TECTA: variants seen among roughly 807,000 people sequenced by gnomAD.
TECTA encodes alpha-tectorin.
A neutral mutation model predicts 216.8 loss-of-function variants in TECTA; 128 were observed. The observed-to-expected ratio is 0.59, with a 90% CI of 0.51 to 0.68. TECTA has a LOEUF of 0.68. Ranked by LOEUF, TECTA falls within the 30% of genes least tolerant of loss-of-function variation. The pLI is 0.00. For synonymous variants in TECTA, 1,089 were observed against 1,117.1 expected (o/e 0.97, Z 0.50); for missense variants, 2,551 against 2,786.2 (o/e 0.92, Z 1.90).
chr11:121,164,257 A>C (rs889105346), intron 16 of TECTA, among the ~76,000 whole-genome samples: 1 of 152,168 alleles, frequency 6.6e-6, no homozygotes, highest in African/African-American at 2.4e-5. Context: ...AGCCACTTTG[A>C]TGTTCAGTAG....
chr11:121,123,732 C>T (rs768251948), intron 7 of TECTA, among the ~76,000 whole-genome samples: 6 of 152,336 alleles, frequency 3.9e-5, no homozygotes, highest in Admixed American at 1.3e-4. Context: ...TCAGATCGTG[C>T]GGACTTTTTG....
chr11:121,155,987 G>A (rs1452493372), intron 13 of TECTA, among the ~76,000 whole-genome samples: 5 of 152,182 alleles, frequency 3.3e-5, no homozygotes, highest in Non-Finnish European at 5.9e-5. Flanking sequence ...TTGAGGATAC[G>A]CTATGTTGTA....
In TECTA at chr11:121,168,289, T is replaced by C. The variant is rs948836809; in HGVS notation, c.5750+72T>C. On this transcript the variant is annotated intron_variant, in intron 19 of 23. Coordinates refer to ENST00000392793, the MANE Select transcript of TECTA (RefSeq NM_005422.4). ...CAGTTAAGGTTAGCATAATCAAAAT[T>C]GCTAGCGTTTGTCTTTGATGCCCTA... 13 of 1,594,930 alleles carry C rather than the reference T, an allele frequency of 8.2e-6. No individual in the cohort carries two copies. The Admixed American group carries it at 2.2e-4, about 27-fold the overall frequency.
At chr11:121,185,355 T>A (rs1947273118) in intron 20 of TECTA, among the ~76,000 whole-genome samples, 1 of 140,846 alleles carries the variant, frequency 7.1e-6, no homozygotes, top group African/African-American at 2.6e-5. Flanking sequence ...GTTCAATGCT[T>A]AATGAATGAG....
intron 12 of TECTA, 82 bp from the exon 13 acceptor site, chr11:121,152,799 G>A: frequency 6.9e-7 from 1 of 1,454,534 alleles, no homozygotes; most frequent in East Asian, 2.3e-5. Flanking sequence ...TCATCTCCCT[G>A]AGTAGGTGAG....
chr11:121,113,210 G>A lies in TECTA; in HGVS notation c.624+1G>A. 1 of 1,613,978 alleles carries A rather than the reference G, an allele frequency of 6.2e-7. No homozygotes were observed. Among genetic ancestry groups the A allele is most frequent in the South Asian group, 1.1e-5 (1 of 91,060 alleles). On this transcript the variant is annotated splice_donor_variant, in intron 5 of 23. Coordinates refer to ENST00000392793, the MANE Select transcript of TECTA (RefSeq NM_005422.4). LOFTEE classifies it high-confidence loss of function. The surrounding 1 kb of genome is among the most constrained non-coding windows in gnomAD (Gnocchi z 4.2). ...AGGTCTTGGTGGAGTGATGGCACAG[G>A]TAGGTGGCTCTCCACTTCATCCCCC... is the stretch of plus-strand genomic sequence containing the variant.
chr11:121,126,570 G>A (rs765305878), intron 8 of TECTA, among the ~76,000 whole-genome samples: 15 of 152,022 alleles, frequency 9.9e-5, no homozygotes, highest in African/African-American at 2.9e-4. Context: ...AATAGATTTC[G>A]TTTCCTTCCT....
At chr11:121,172,264 T>C (rs1433728832) in intron 20 of TECTA, among the ~76,000 whole-genome samples, 2 of 152,120 alleles carry the variant, frequency 1.3e-5, no homozygotes, top group Non-Finnish European at 2.9e-5. Flanking sequence ...TGTATACATG[T>C]GCCATGCTGG....
chr11:121,115,228 C>T (rs1946490223), intron 6 of TECTA, among the ~76,000 whole-genome samples: 1 of 151,772 alleles, frequency 6.6e-6, no homozygotes, highest in Admixed American at 6.6e-5. Context: ...CACCCATTCA[C>T]CCACCCATCC....
At chr11:121,178,070 G>C (rs972058760) in intron 20 of TECTA, among the ~76,000 whole-genome samples, 4 of 152,234 alleles carry the variant, frequency 2.6e-5, no homozygotes, top group African/African-American at 9.6e-5. Context: ...GATTTTCCAG[G>C]TGCCGTCTGT....
chr11:121,170,396 G>A (rs558723057), intron 20 of TECTA, among the ~76,000 whole-genome samples: 32 of 152,072 alleles, frequency 2.1e-4, no homozygotes, highest in East Asian at 1.2e-3. Flanking sequence ...GATCATGTGG[G>A]AGTTCTATTT....
intron 12 of TECTA, among the ~76,000 whole-genome samples, chr11:121,147,233 A>C (rs937243607): frequency 6.6e-6 from 1 of 152,228 alleles, no homozygotes; most frequent in Non-Finnish European, 1.5e-5. Flanking sequence ...TCCTGAATGC[A>C]TAGAGCTCTA....
intron 8 of TECTA, among the ~76,000 whole-genome samples, chr11:121,126,255 A>G (rs989605481): frequency 6.6e-6 from 1 of 152,178 alleles, no homozygotes; most frequent in Admixed American, 6.5e-5. Flanking sequence ...CCCTTGGGAA[A>G]ATAGGTCACC....
intron 20 of TECTA, among the ~76,000 whole-genome samples, chr11:121,180,183 CCTT>C (rs34055739): frequency 0.12 from 18,879 of 151,818 alleles, 1,575 homozygotes; most frequent in South Asian, 0.33. Flanking sequence ...ACATTTGACT[CCTT>C]CTCTTTCGGT....
At chr11:121,108,457 C>T (rs1275136389) in intron 3 of TECTA, among the ~76,000 whole-genome samples, 4 of 133,078 alleles carry the variant, frequency 3.0e-5, no homozygotes, top group Non-Finnish European at 6.9e-5. Context: ...ACACACCCCA[C>T]CCCTAGTACA....
Position 121,187,843 on chromosome 11 carries a change from T to A in TECTA, c.6011T>A (p.Leu2004His). ...TTTTTTCTGAATAGGTGTCAGAACC[T>A]CAAAGATAACACCATTGGCATCGAG... Reference protein sequence around the residue: ...YFIIEGGCQNLKDNTIGIEEN... With the variant: ...YFIIEGGCQNHKDNTIGIEEN... Residue 2004 changes from leucine to histidine, a missense_variant, in exon 21 of 24, where the codon CTC becomes CAC. Around this residue, in one of 3 missense-constraint regions of TECTA, gnomAD observed 58 missense variants for 105.9 expected, o/e 0.55. Coordinates refer to ENST00000392793, the MANE Select transcript of TECTA (RefSeq NM_005422.4). 6.2e-7 allele frequency: 1 copy of A among 1,614,230 alleles called. No homozygotes were observed. The highest frequency in any genetic ancestry group is 8.5e-7 in the Non-Finnish European group (1 of 1,180,034).
chr11:121,152,945 C>T lies in TECTA; in HGVS notation c.4170C>T (p.Ala1390=), dbSNP rs199846936. ...TGAGTGTCTGCCAGCCCCGCTGCGC[C>T]GCCATCCGCCTGAAGAGTGACTGCA... The part of the protein sequence containing the change: ...SCVSVCQPRC[A]AIRLKSDCSH... The change falls in exon 13 of 24, where the codon GCC becomes GCT. Residue 1390 remains alanine (A), a synonymous_variant. Coordinates refer to ENST00000392793, the MANE Select transcript of TECTA (RefSeq NM_005422.4). 53 of 1,613,260 alleles carry T rather than the reference C, an allele frequency of 3.3e-5. No homozygotes were observed. In the Admixed American group the frequency reaches 3.5e-4, roughly 11 times the overall value.
intron 10 of TECTA, among the ~76,000 whole-genome samples, chr11:121,133,338 A>G (rs1373029867): frequency 6.6e-6 from 1 of 152,068 alleles, no homozygotes; most frequent in Non-Finnish European, 1.5e-5. Context: ...GGGCATTTAT[A>G]TACATAACCA....
At chr11:121,109,802 G>A (rs559606771) in intron 4 of TECTA, 2 of 394,188 alleles carry the variant, frequency 5.1e-6, no homozygotes, top group African/African-American at 4.1e-5. Context: ...GAGAGTGCTT[G>A]AGGCACTGAG....
Sources: allele counts gnomAD v4.1 joint callset (sites outside exome capture counted in the v4.1 genomes callset), GRCh38; gene constraint gnomAD v4.1.1; regional missense constraint gnomAD v4.1.1; non-coding constraint Gnocchi (gnomAD v3.1); transcripts MANE v1.5; gene names NCBI Gene and HGNC (gene_info 2026-07-23, HGNC 2026-07-21).